The following RCL1 variants were observed in gnomAD, a reference collection of about 807,000 sequenced individuals.
The protein encoded by RCL1 is RNA terminal phosphate cyclase like 1.
Under a neutral mutation model 42.4 loss-of-function variants are expected in RCL1, and 24 were observed. That is an observed-to-expected ratio of 0.57 (90% CI 0.41 to 0.80). RCL1 has a LOEUF of 0.80. Ranked by LOEUF, RCL1 falls within the 30% of genes least tolerant of loss-of-function variation. The pLI, the probability that RCL1 is intolerant of heterozygous loss-of-function variation, is 0.00. For missense variants in RCL1, 578 were observed against 467.9 expected (o/e 1.24, Z -2.17); for synonymous variants, 228 against 177.3 (o/e 1.29, Z -2.27).
chr9:4,860,070 A>AT lies in RCL1; in HGVS notation c.972-46dup, dbSNP rs370244569. ...CTTGGATTCTAGGTGGTAGAGGATAATTTTTTTTTGAATGAATTTCTTTTT... is the reference window on the plus strand; with the variant it reads ...CTTGGATTCTAGGTGGTAGAGGATAATTTTTTTTTTGAATGAATTTCTTTTT... On this transcript the variant is annotated intron_variant, in intron 8 of 8. Transcript: ENST00000381750. 1,221 of 1,292,602 alleles carry AT rather than the reference A, an allele frequency of 9.4e-4. 3 individuals are homozygous for AT. The highest frequency in any genetic ancestry group is 8.0e-3 in the African/African-American group (530 of 65,840). 80.1% of individuals were successfully genotyped at this position (1,292,602 alleles called of 1,614,324 possible). A position where few individuals can be genotyped will look rare whatever the true frequency, so the allele number is the denominator to read the frequency against.
intron 5 of RCL1, among the ~76,000 whole-genome samples, chr9:4,834,653 A>G (rs146484420): frequency 5.0e-4 from 76 of 152,252 alleles, no homozygotes; most frequent in African/African-American, 1.7e-3. Flanking sequence ...TATAACATGC[A>G]AAATGATATG....
chr9:4,859,734 G>A (rs769363614), intron 8 of RCL1, among the ~76,000 whole-genome samples: 9 of 152,168 alleles, frequency 5.9e-5, no homozygotes, highest in Non-Finnish European at 8.8e-5. Context: ...GGAGGCTGAG[G>A]TGGAGGATTG....
rs199978988 is a variant in RCL1 at position 4,827,060 on chromosome 9, T to A, written c.384+27T>A. On this transcript the variant is annotated intron_variant, in intron 3 of 8. Coordinates refer to ENST00000381750, the MANE Select transcript of RCL1 (RefSeq NM_005772.5). Reference sequence around the variant, plus strand: ...TGAGTATTGAGAACAAACCGTGGTGTGGTTTTTGTTTTGTCTCTTGTCACA... The same window carrying A: ...TGAGTATTGAGAACAAACCGTGGTGAGGTTTTTGTTTTGTCTCTTGTCACA... 38 of 1,614,026 alleles carry A rather than the reference T, an allele frequency of 2.4e-5. No homozygotes were observed. The East Asian group carries it at 4.0e-4, about 17-fold the overall frequency.
chr9:4,859,091 G>C (rs1253128829), intron 8 of RCL1, among the ~76,000 whole-genome samples: 1 of 152,146 alleles, frequency 6.6e-6, no homozygotes. Context: ...GTTCAGGTGA[G>C]TCTTATGGTC....
chr9:4,852,810 C>G (rs1048852769), intron 8 of RCL1, among the ~76,000 whole-genome samples: 5 of 151,494 alleles, frequency 3.3e-5, no homozygotes, highest in Non-Finnish European at 7.4e-5. Context: ...GCAGGACTAC[C>G]CCAGAGGCAG....
intron 4 of RCL1, 68 bp from the exon 5 acceptor site, chr9:4,834,073 G>A (rs1031182476): frequency 3.7e-5 from 58 of 1,550,946 alleles, no homozygotes; most frequent in Non-Finnish European, 5.0e-5. Context: ...AAACCTTCCT[G>A]GGCAGGGTGT....
At chr9:4,806,485 C>T (rs1051428854) in intron 1 of RCL1, among the ~76,000 whole-genome samples, 3 of 151,652 alleles carry the variant, frequency 2.0e-5, no homozygotes, top group Non-Finnish European at 4.4e-5. Flanking sequence ...TTGATGTGAC[C>T]ATGTGATTTT....
At chr9:4,860,067 A>T in intron 8 of RCL1, 58 bp from the exon 9 acceptor site, 1 of 1,263,398 alleles carries the variant, frequency 7.9e-7, no homozygotes, top group South Asian at 1.6e-5. Flanking sequence ...GTGGTAGAGG[A>T]TAATTTTTTT....
intron 1 of RCL1, among the ~76,000 whole-genome samples, chr9:4,814,296 T>C (rs1816293344): frequency 6.6e-6 from 1 of 151,128 alleles, no homozygotes; most frequent in Non-Finnish European, 1.5e-5. Context: ...AAAAAAATTT[T>C]TTTTAGAGAT....
At chr9:4,851,517 G>T (rs1817748033) in intron 8 of RCL1, among the ~76,000 whole-genome samples, 1 of 152,228 alleles carries the variant, frequency 6.6e-6, no homozygotes. Context: ...GATGCAGCAG[G>T]CAAAGTTAAC....
At chr9:4,835,664 T>C (rs886411545) in intron 5 of RCL1, among the ~76,000 whole-genome samples, 4 of 152,210 alleles carry the variant, frequency 2.6e-5, no homozygotes, top group Non-Finnish European at 1.5e-5. Flanking sequence ...AGCAAAGTAA[T>C]GAGCTGATTA....
chr9:4,811,553 A>G (rs13284787), intron 1 of RCL1, among the ~76,000 whole-genome samples: 27,499 of 152,054 alleles, frequency 0.18, 3,337 homozygotes, highest in East Asian at 0.56. Context: ...ACTTAACATA[A>G]TGTTCTACAA....
chr9:4,814,771 A>G (rs761748156), intron 1 of RCL1, among the ~76,000 whole-genome samples: 1 of 151,950 alleles, frequency 6.6e-6, no homozygotes, highest in Non-Finnish European at 1.5e-5. Context: ...TCATTTCTAG[A>G]TGTAGGACCT....
At position 4,860,217 on chromosome 9, in the gene RCL1, A is replaced by C; in HGVS notation, c.1064A>C (p.Lys355Thr). Residue 355 changes from lysine (K) to threonine (T), a missense_variant, in exon 9 of 9, where the codon AAA becomes ACA. By Grantham distance (78) the Lys-to-Thr change is moderately conservative (BLOSUM62 -1). Transcript: ENST00000381750. ...GGTGAAGAACTCAAGGGTGGGGATA[A>C]AGTGCTGATGACCTGTGTTGGCATT... ...PCGEELKGGDKVLMTCVGIGF... is the reference protein window; with the variant it reads ...PCGEELKGGDTVLMTCVGIGF... 6.2e-7 allele frequency: 1 copy of C among 1,613,350 alleles called. No individual in the cohort carries two copies. The highest frequency in any genetic ancestry group is 8.5e-7 in the Non-Finnish European group (1 of 1,179,692).
chr9:4,834,275 C>T lies in RCL1; in HGVS notation c.584+10C>T, dbSNP rs756150959. 1.2e-5 allele frequency: 20 copies of T among 1,601,248 alleles called. No homozygotes were observed. The East Asian group carries it at 4.5e-4, about 36-fold the overall frequency. On this transcript the variant is annotated intron_variant, in intron 5 of 8. Coordinates refer to ENST00000381750, the MANE Select transcript of RCL1 (RefSeq NM_005772.5). ...GTATTAGAGGAATGGCGTATCCTTT[C>T]CATTTATTTGGATTTCTTTTTTTTT...
At chr9:4,802,644 A>T (rs1158177489) in intron 1 of RCL1, among the ~76,000 whole-genome samples, 2 of 152,136 alleles carry the variant, frequency 1.3e-5, no homozygotes, top group East Asian at 3.9e-4. Context: ...TTACTTTGTT[A>T]TTTACAAATA....
At chr9:4,858,995 C>G (rs895140229) in intron 8 of RCL1, among the ~76,000 whole-genome samples, 2 of 152,122 alleles carry the variant, frequency 1.3e-5, no homozygotes, top group African/African-American at 4.8e-5. Flanking sequence ...TGTGTGTGGA[C>G]TGTGATTCTG....
chr9:4,816,348 T>C (rs942288752), intron 1 of RCL1, among the ~76,000 whole-genome samples: 4 of 152,218 alleles, frequency 2.6e-5, no homozygotes, highest in Admixed American at 2.6e-4. Flanking sequence ...AATTTATAAA[T>C]CTTGCCTATC....
rs377317140 is a variant in RCL1, at chr9:4,858,365, A to G, written c.972-1760A>G. On this transcript the variant is annotated intron_variant, in intron 8 of 8. Coordinates refer to ENST00000381750, the MANE Select transcript of RCL1 (RefSeq NM_005772.5). ...AGTATTTTAATTTTGATGAAGTCCA[A>G]TTTATTTATTTTGTCTCTTATTGCC... Among the ~76,000 whole-genome samples the G allele has an allele frequency of 1.9e-3, 292 of 152,174 alleles. 1 individual carries two copies. The highest frequency in any genetic ancestry group is 6.8e-3 in the African/African-American group (282 of 41,522).
Sources: allele counts gnomAD v4.1 joint callset (sites outside exome capture counted in the v4.1 genomes callset), GRCh38; gene constraint gnomAD v4.1.1; transcripts MANE v1.5; gene names NCBI Gene and HGNC (gene_info 2026-07-23, HGNC 2026-07-21).